Variants in OTUD7A observed in about 807,000 individuals in gnomAD.
OTUD7A encodes OTU domain-containing protein 7A.
Under a neutral mutation model 65.7 loss-of-function variants are expected in OTUD7A, and 12 were observed. The observed-to-expected ratio is 0.18, with a 90% CI of 0.12 to 0.30. OTUD7A has a LOEUF of 0.30. Ranked by LOEUF, OTUD7A falls within the 10% of genes least tolerant of loss-of-function variation. The pLI is 1.00. For synonymous variants in OTUD7A, 641 were observed against 586.3 expected (o/e 1.09, Z -1.35); for missense variants, 1,148 against 1,304.8 (o/e 0.88, Z 1.85).
At chr15:31,720,695 T>C (rs1176609655) in intron 1 of OTUD7A, among the ~76,000 whole-genome samples, 2 of 152,084 alleles carry the variant, frequency 1.3e-5, no homozygotes, top group African/African-American at 4.8e-5. Context: ...CCACCGCACC[T>C]GGACAGTAAC....
At chr15:31,765,733 T>A in intron 1 of OTUD7A, 2 of 1,097,064 alleles carry the variant, frequency 1.8e-6, no homozygotes, top group Non-Finnish European at 2.7e-6. Flanking sequence ...TTACATACTT[T>A]TTAATTCAGC....
intron 3 of OTUD7A, among the ~76,000 whole-genome samples, chr15:31,570,442 TACACACACACACACACACACACACACAC>T (rs57517466): frequency 1.4e-5 from 2 of 143,218 alleles, no homozygotes; most frequent in African/African-American, 5.2e-5. Flanking sequence ...TTTAGGTTCA[TACACACACACACACACACACACACACAC>T]ACACACACAC....
chr15:31,572,541 GA>G (rs1372242474), intron 3 of OTUD7A, among the ~76,000 whole-genome samples: 1 of 152,092 alleles, frequency 6.6e-6, no homozygotes, highest in Non-Finnish European at 1.5e-5. Context: ...TAAATCATTT[GA>G]TTTTTTTTCA....
At chr15:31,703,554 A>G (rs1163464350) in intron 1 of OTUD7A, among the ~76,000 whole-genome samples, 1 of 152,148 alleles carries the variant, frequency 6.6e-6, no homozygotes, top group Admixed American at 6.5e-5. Flanking sequence ...AACAGCAAAA[A>G]TAAAAAACAG....
At chr15:31,497,161 G>T (rs2041398400) in intron 10 of OTUD7A, among the ~76,000 whole-genome samples, 1 of 152,252 alleles carries the variant, frequency 6.6e-6, no homozygotes, top group East Asian at 1.9e-4. Flanking sequence ...AGGGTGCCCT[G>T]ACCTCTGTGT....
chr15:31,724,098 T>C (rs1213463180), intron 1 of OTUD7A, among the ~76,000 whole-genome samples: 3 of 151,532 alleles, frequency 2.0e-5, no homozygotes, highest in Non-Finnish European at 4.4e-5. Context: ...ACTGCCTATG[T>C]ATATATTTCC....
intron 1 of OTUD7A, among the ~76,000 whole-genome samples, chr15:31,741,648 T>G (rs1033694111): frequency 1.3e-5 from 2 of 152,050 alleles, no homozygotes; most frequent in African/African-American, 4.8e-5. Flanking sequence ...TCATAAAATA[T>G]TTCACAAAAA....
At chr15:31,586,835 C>G (rs766601164) in intron 3 of OTUD7A, among the ~76,000 whole-genome samples, 1 of 152,028 alleles carries the variant, frequency 6.6e-6, no homozygotes, top group Non-Finnish European at 1.5e-5. Context: ...CTTGCCCCCT[C>G]TCCACTACTG....
intron 1 of OTUD7A, among the ~76,000 whole-genome samples, chr15:31,678,860 C>G (rs1892650560): frequency 6.6e-6 from 1 of 152,242 alleles, no homozygotes; most frequent in African/African-American, 2.4e-5. Flanking sequence ...AAGAGAGCCA[C>G]TATTCTCCAG....
At chr15:31,781,209 G>A (rs1488146191) in intron 1 of OTUD7A, among the ~76,000 whole-genome samples, 1 of 152,158 alleles carries the variant, frequency 6.6e-6, no homozygotes, top group African/African-American at 2.4e-5. Flanking sequence ...AAGGATGGGT[G>A]ATGCAGCCTC....
intron 1 of OTUD7A, among the ~76,000 whole-genome samples, chr15:31,827,883 C>T (rs1428170637): frequency 5.3e-5 from 8 of 151,830 alleles, no homozygotes; most frequent in African/African-American, 1.7e-4. Context: ...TGCAGTGAGC[C>T]GAGGTCACAC....
chr15:31,570,283 T>C lies in OTUD7A; in HGVS notation c.152-86A>G, dbSNP rs184621453. On this transcript the variant is annotated intron_variant, in intron 3 of 12. Coordinates refer to ENST00000307050, the MANE Select transcript of OTUD7A (RefSeq NM_001382637.1). ...GAGAAGAACTGTGACAAGAAGGGTT[T>C]CCCATTAGGACATAAACTAATGAAT... 257 of 1,442,604 alleles carry C rather than the reference T, an allele frequency of 1.8e-4. 2 individuals are homozygous for C. In the East Asian group the frequency reaches 5.6e-3, roughly 32 times the overall value. 89.4% of individuals were successfully genotyped at this position (1,442,604 alleles called of 1,614,324 possible). A position where few individuals can be genotyped will look rare whatever the true frequency, so the allele number is the denominator to read the frequency against.
At chr15:31,817,925 T>A (rs1329095464) in intron 1 of OTUD7A, among the ~76,000 whole-genome samples, 2 of 152,220 alleles carry the variant, frequency 1.3e-5, no homozygotes, top group African/African-American at 4.8e-5. Context: ...TGTGGGTGAT[T>A]AAGTCATGAG....
At chr15:31,611,423 CAAGAA>C (rs1360122527) in intron 3 of OTUD7A, among the ~76,000 whole-genome samples, 3 of 151,932 alleles carry the variant, frequency 2.0e-5, no homozygotes, top group Admixed American at 1.3e-4. Context: ...TAAGATTAAC[CAAGAA>C]AAGAAGAGAG....
At chr15:31,698,468 G>A (rs912761891) in intron 1 of OTUD7A, among the ~76,000 whole-genome samples, 4 of 152,186 alleles carry the variant, frequency 2.6e-5, no homozygotes, top group African/African-American at 9.7e-5. Flanking sequence ...CATCAGCATT[G>A]TTGGAGATTT....
chr15:31,816,563 G>A (rs145169463), intron 1 of OTUD7A, among the ~76,000 whole-genome samples: 3,431 of 151,980 alleles, frequency 0.023, 131 homozygotes, highest in African/African-American at 0.079. Flanking sequence ...GCACAGTGGC[G>A]GGCACCTGTA....
At chr15:31,843,917 G>T (rs1254855030) in intron 1 of OTUD7A, among the ~76,000 whole-genome samples, 2 of 152,102 alleles carry the variant, frequency 1.3e-5, no homozygotes, top group Non-Finnish European at 2.9e-5. Flanking sequence ...AGTTTACACG[G>T]TTCGCACTGT....
intron 3 of OTUD7A, among the ~76,000 whole-genome samples, chr15:31,581,396 G>A (rs1022302660): frequency 1.3e-5 from 2 of 152,246 alleles, no homozygotes; most frequent in African/African-American, 4.8e-5. Flanking sequence ...CCACTGGGCA[G>A]TGCCCCAGTA....
chr15:31,508,857 C>T (rs1210994374), intron 8 of OTUD7A, among the ~76,000 whole-genome samples: 2 of 152,270 alleles, frequency 1.3e-5, no homozygotes, highest in African/African-American at 2.4e-5. Flanking sequence ...TGTGGCCCTG[C>T]CCCCTCTTAA....
Sources: allele counts gnomAD v4.1 joint callset (sites outside exome capture counted in the v4.1 genomes callset), GRCh38; gene constraint gnomAD v4.1.1; transcripts MANE v1.5; gene names NCBI Gene and HGNC (gene_info 2026-07-23, HGNC 2026-07-21).